The following ZBTB17 variants were observed in gnomAD, a reference collection of about 807,000 sequenced individuals.
ZBTB17 encodes the protein zinc finger and BTB domain-containing protein 17.
A neutral mutation model predicts 85.1 loss-of-function variants in ZBTB17; 24 were observed. The observed-to-expected ratio is 0.28, with a 90% CI of 0.20 to 0.40. The LOEUF is 0.40. Among genes scored for constraint, ZBTB17 ranks in the 10% least tolerant of loss-of-function variants. The pLI, the probability that ZBTB17 is intolerant of heterozygous loss-of-function variation, is 1.00. For missense variants in ZBTB17, 743 were observed against 1,105.1 expected, an observed-to-expected ratio of 0.67 and a Z score of 4.65; for synonymous variants, 464 against 460.2, an observed-to-expected ratio of 1.01 and a Z score of -0.11.
rs34593133 is a variant in ZBTB17, at chr1:15,958,415, C to CAAA, written c.-2-9921_-2-9919dup. ...GAGCCACAGCCTGGTCCAATACGAC[C>CAAA]AAAAAAAAAAAAAAAAAAACACACA... On this transcript the variant is annotated intron_variant, in intron 2 of 15. Coordinates refer to ENST00000375743, the MANE Select transcript of ZBTB17 (RefSeq NM_003443.3). 4.4e-4 allele frequency among the ~76,000 whole-genome samples: 37 copies of CAAA among 84,560 alleles called. 1 individual carries two copies. Among genetic ancestry groups the CAAA allele is most frequent in the African/African-American group, 6.0e-4 (11 of 18,474 alleles). 55.5% of individuals were successfully genotyped at this position (84,560 alleles called of 152,430 possible). A position where few individuals can be genotyped will look rare whatever the true frequency, so the allele number is the denominator to read the frequency against.
In ZBTB17 at chr1:15,964,429, A is replaced by G. The variant is rs1342420569; in HGVS notation, c.-3+8610T>C. Among the ~76,000 whole-genome samples the G allele has an allele frequency of 6.6e-6, 1 of 152,216 alleles. No individual in the cohort carries two copies. The highest frequency in any genetic ancestry group is 2.4e-5 in the African/African-American group (1 of 41,456). On this transcript the variant is annotated intron_variant, in intron 2 of 15. Transcript: ENST00000375743. This position sits in a 1 kb window ranked among gnomAD's most constrained non-coding sequence, Gnocchi z 4.3. The stretch of plus-strand genomic sequence containing the variant: ...CATTTGACAAATGTAATCTAACATG[A>G]CAATGGGGCCAGGCAAGATGGCTCA...
intron 2 of ZBTB17, among the ~76,000 whole-genome samples, chr1:15,950,894 C>T (rs142108269): frequency 6.6e-5 from 10 of 152,328 alleles, no homozygotes; most frequent in African/African-American, 9.6e-5. Flanking sequence ...TCCTGGCAAG[C>T]GCAGCCCCGC....
chr1:15,967,417 G>A (rs1036418706), intron 2 of ZBTB17, among the ~76,000 whole-genome samples: 2 of 149,518 alleles, frequency 1.3e-5, no homozygotes, highest in African/African-American at 4.9e-5. Context: ...GGTGGTTCAA[G>A]CCTATAATAC....
chr1:15,946,865 CAG>C lies in ZBTB17; in HGVS notation c.394+68_394+69del, dbSNP rs2071630173. ...ATGAGGAAACTGAGACCCAGAAAGT[CAG>C]AGGCAGAGCCCACATCAAAAGCCAA... On this transcript the variant is annotated intron_variant, in intron 4 of 15. Transcript: ENST00000375743. The C allele has an allele frequency of 4.6e-6, 7 of 1,518,556 alleles. No individual in the cohort carries two copies. In the Admixed American group the frequency reaches 1.2e-4, roughly 25 times the overall value. 94.1% of individuals were successfully genotyped at this position (1,518,556 alleles called of 1,614,324 possible).
chr1:15,945,922 G>A (rs1398355177), intron 5 of ZBTB17, 82 bp from the exon 6 acceptor site: 18 of 1,559,978 alleles, frequency 1.2e-5, no homozygotes, highest in Non-Finnish European at 1.6e-5. Context: ...CGCGCTGGTG[G>A]TGGCTGCGTG....
In ZBTB17 at chr1:15,945,181, C is replaced by T; in HGVS notation, c.683G>A (p.Arg228Gln). Residue 228 changes from arginine (R) to glutamine (Q), a missense_variant, in exon 7 of 16, where the codon CGG becomes CAG. Physicochemically the swap from Arg to Gln is conservative, Grantham distance 43. Coordinates refer to ENST00000375743, the MANE Select transcript of ZBTB17 (RefSeq NM_003443.3). Reference protein sequence around the residue: ...SEQEMEVEPARKGEEEQKEQE... With the variant: ...SEQEMEVEPAQKGEEEQKEQE... ...CTCCTTTTGCTCCTCTTCCCCTTTC[C>T]GGGCGGGCTCCACCTCCATTTCTGC... 2.6e-6 allele frequency: 4 copies of T among 1,556,852 alleles called. No homozygotes were observed. Among genetic ancestry groups the T allele is most frequent in the Non-Finnish European group, 3.5e-6 (4 of 1,149,866 alleles).
chr1:15,966,678 A>C lies in ZBTB17; in HGVS notation c.-3+6361T>G, dbSNP rs1205204060. Reference sequence around the variant, plus strand: ...CAACCTTAATCACCCTGGGACTGTCAAACTATTGATGTCCATAAGGATTCT... The same window carrying C: ...CAACCTTAATCACCCTGGGACTGTCCAACTATTGATGTCCATAAGGATTCT... On this transcript the variant is annotated intron_variant, in intron 2 of 15. Transcript: ENST00000375743. The surrounding 1 kb of genome is among the most constrained non-coding windows in gnomAD (Gnocchi z 4.1). Among the ~76,000 whole-genome samples the C allele has an allele frequency of 6.6e-6, 1 of 152,146 alleles. No homozygotes were observed. The highest frequency in any genetic ancestry group is 1.5e-5 in the Non-Finnish European group (1 of 68,020).
Position 15,966,726 on chromosome 1 carries a change from C to T in ZBTB17, c.-3+6313G>A, listed in dbSNP as rs554599788. On this transcript the variant is annotated intron_variant, in intron 2 of 15. Coordinates refer to ENST00000375743, the MANE Select transcript of ZBTB17 (RefSeq NM_003443.3). The surrounding 1 kb of genome is among the most constrained non-coding windows in gnomAD (Gnocchi z 4.1). ...TCTCTGTGCTGGCATTCCACACACA[C>T]GCAGCAAGGTTCAATGAGCCACAGT... 1.0e-3 allele frequency among the ~76,000 whole-genome samples: 158 copies of T among 152,196 alleles called. 2 individuals are homozygous for T. The highest frequency in any genetic ancestry group is 3.9e-3 in the South Asian group (19 of 4,824).
chr1:15,943,255 C>A (rs2071435777), intron 12 of ZBTB17, 61 bp from the exon 13 acceptor site: 1 of 1,612,130 alleles, frequency 6.2e-7, no homozygotes, highest in African/African-American at 1.3e-5. Flanking sequence ...CCTGCCTCAC[C>A]CTCTAGACTG....
In ZBTB17 at chr1:15,945,081, C is replaced by T. The variant is rs2071539659; in HGVS notation, c.783G>A (p.Glu261=). ...KEEGSQLENG[E]APEENENEES... is the part of the protein sequence containing the mutation. ...CCTCATTCTCGTTCTCCTCGGGGGC[C>T]TCTCCGTTCTCCAGCTGGGAACCCT... Residue 261 remains glutamate (E), a synonymous_variant, in exon 7 of 16, where the codon GAG becomes GAA. Coordinates refer to ENST00000375743, the MANE Select transcript of ZBTB17 (RefSeq NM_003443.3). 3 of 1,611,730 alleles carry T rather than the reference C, an allele frequency of 1.9e-6. No homozygotes were observed. Among genetic ancestry groups the T allele is most frequent in the Non-Finnish European group, 2.5e-6 (3 of 1,179,250 alleles).
intron 2 of ZBTB17, among the ~76,000 whole-genome samples, chr1:15,968,285 G>C (rs1050391098): frequency 6.6e-6 from 1 of 152,144 alleles, no homozygotes; most frequent in Non-Finnish European, 1.5e-5. Flanking sequence ...GTTTTCTCCA[G>C]CCCCAAATGC....
chr1:15,945,909 C>T, intron 5 of ZBTB17, 69 bp from the exon 6 acceptor site: 3 of 1,564,384 alleles, frequency 1.9e-6, no homozygotes. Context: ...TCTCCTGGAC[C>T]AGCGCGCTGG....
At chr1:15,950,784 CAT>C (rs2071804754) in intron 2 of ZBTB17, among the ~76,000 whole-genome samples, 1 of 152,164 alleles carries the variant, frequency 6.6e-6, no homozygotes, top group African/African-American at 2.4e-5. Context: ...CGGGAAGAGA[CAT>C]GTGAGGAGAC....
chr1:15,944,236 G>C (rs1187568115), intron 9 of ZBTB17, 64 bp downstream of exon 9: 1 of 1,540,234 alleles, frequency 6.5e-7, no homozygotes, highest in African/African-American at 1.4e-5. Context: ...CCCACCACGT[G>C]GCATGCATGC....
rs1224673670 is a variant in ZBTB17 at position 15,951,050 on chromosome 1, C to T, written c.-2-2553G>A. Reference sequence around the variant, plus strand: ...GCCCAGCCCCCCACATACCACCACCCGCCAAGAGAGCAGCTGTGTGCCCAT... The same window carrying T: ...GCCCAGCCCCCCACATACCACCACCTGCCAAGAGAGCAGCTGTGTGCCCAT... On this transcript the variant is annotated intron_variant, in intron 2 of 15. Coordinates refer to ENST00000375743, the MANE Select transcript of ZBTB17 (RefSeq NM_003443.3). This position sits in a 1 kb window ranked among gnomAD's most constrained non-coding sequence, Gnocchi z 4.1. 3.9e-5 allele frequency among the ~76,000 whole-genome samples: 6 copies of T among 152,188 alleles called. No homozygotes were observed. The highest frequency in any genetic ancestry group is 2.6e-4 in the Admixed American group (4 of 15,288).
rs1351637392 is a variant in ZBTB17 at position 15,953,149 on chromosome 1, A to G, written c.-2-4652T>C. Among the ~76,000 whole-genome samples, 1 of 152,048 alleles carries G rather than the reference A, an allele frequency of 6.6e-6. No individual in the cohort carries two copies. Among genetic ancestry groups the G allele is most frequent in the Non-Finnish European group, 1.5e-5 (1 of 68,024 alleles). Reference sequence around the variant, plus strand: ...ATGTGTATATTTCATATACATTTACATGAAAACATTCCAATTATTTAAAAA... The same window carrying G: ...ATGTGTATATTTCATATACATTTACGTGAAAACATTCCAATTATTTAAAAA... On this transcript the variant is annotated intron_variant, in intron 2 of 15. Transcript: ENST00000375743. This position sits in a 1 kb window ranked among gnomAD's most constrained non-coding sequence, Gnocchi z 5.1.
In ZBTB17 at chr1:15,945,800, C is replaced by T. The variant is rs201142422; in HGVS notation, c.576G>A (p.Pro192=). The T allele has an allele frequency of 2.1e-5, 34 of 1,603,508 alleles. No individual in the cohort carries two copies. The highest frequency in any genetic ancestry group is 2.2e-5 in the East Asian group (1 of 44,856). The stretch of plus-strand genomic sequence containing the variant: ...GGTCTGGCTTGAGCTCCACAGGCGG[C>T]GGCTCCCGGGGCGCATCGGCTTTCT... ...QTEKADAPRE[P]PPVELKPDPT... is the part of the protein sequence containing the mutation. Residue 192 remains proline (P), a synonymous_variant, in exon 6 of 16, where the codon CCG becomes CCA. Transcript: ENST00000375743.
At position 15,945,730 on chromosome 1, in the gene ZBTB17, C is replaced by G. The variant is rs764732905; in HGVS notation, c.646G>C (p.Glu216Gln). The G allele has an allele frequency of 1.0e-5, 16 of 1,607,094 alleles. No homozygotes were observed. Among genetic ancestry groups the G allele is most frequent in the South Asian group, 3.3e-5 (3 of 91,038 alleles). ...AAAEAEAALS[E>Q]SSEQEMEVEP... The stretch of plus-strand genomic sequence containing the variant: ...GCGGGGCTACCTTGCTCCGAGCTCT[C>G]GGACAAAGCGGCCTCAGCTTCTGCA... The change falls in exon 6 of 16, where the codon GAG (glutamate) becomes CAG (glutamine). Residue 216 changes from glutamate (E) to glutamine (Q), a missense_variant. Glu to Gln is a conservative substitution (Grantham distance 29). This residue lies in a region of ZBTB17 where 279 missense variants were observed against 269.9 expected (regional missense o/e 1.03). Coordinates refer to ENST00000375743, the MANE Select transcript of ZBTB17 (RefSeq NM_003443.3).
Position 15,942,722 on chromosome 1 carries a change from C to T in ZBTB17, c.1845G>A (p.Leu615=). 6.2e-7 allele frequency: 1 copy of T among 1,613,536 alleles called. No homozygotes were observed. The highest frequency in any genetic ancestry group is 8.5e-7 in the Non-Finnish European group (1 of 1,180,032). Reference sequence around the variant, plus strand: ...TGAAGCCACGCCCACACTTATCACACAGGTAAGGCTTCTCTCCTGGGGGAG... The same window carrying T: ...TGAAGCCACGCCCACACTTATCACATAGGTAAGGCTTCTCTCCTGGGGGAG... The part of the protein sequence containing the change: ...IIIHTGEKPY[L]CDKCGRGFNR... The change falls in exon 14 of 16, where the codon CTG becomes CTA. Residue 615 remains leucine, a synonymous_variant. Transcript: ENST00000375743.
Sources: gnomAD v4.1 joint callset for allele counts (sites outside exome capture counted in the v4.1 genomes callset) on GRCh38, gnomAD v4.1.1 for gene constraint, gnomAD v4.1.1 regional missense constraint, Gnocchi (gnomAD v3.1) non-coding constraint, MANE v1.5 for transcripts, NCBI Gene and HGNC (gene_info 2026-07-23, HGNC 2026-07-21) for gene names.